Variants in GRM4 observed in about 807,000 individuals in gnomAD.
GRM4 encodes glutamate metabotropic receptor 4, also known as metabotropic glutamate receptor 4.
Under a neutral mutation model 81.7 loss-of-function variants are expected in GRM4, and 28 were observed. That is an observed-to-expected ratio of 0.34 (90% CI 0.25 to 0.47). The LOEUF (loss-of-function observed/expected upper bound fraction) is 0.47. Ranked by LOEUF, GRM4 falls within the 20% of genes least tolerant of loss-of-function variation. The pLI is 1.00. For missense variants in GRM4, 948 were observed against 1,290.0 expected, an observed-to-expected ratio of 0.73 and a Z score of 4.06; for synonymous variants, 488 against 528.8, an observed-to-expected ratio of 0.92 and a Z score of 1.06.
intron 2 of GRM4, among the ~76,000 whole-genome samples, chr6:34,104,583 C>T (rs1419309649): frequency 1.3e-5 from 2 of 152,154 alleles, no homozygotes; most frequent in Admixed American, 1.3e-4. Context: ...CTGTCTGGCC[C>T]CAGCCCCTAA....
chr6:34,112,305 T>TC (rs1256776584), intron 2 of GRM4, among the ~76,000 whole-genome samples: 5 of 152,044 alleles, frequency 3.3e-5, no homozygotes, highest in African/African-American at 1.2e-4. Flanking sequence ...TGCTTACAGC[T>TC]CTATAAGCCA....
At chr6:34,117,799 C>T (rs1370587459) in intron 2 of GRM4, among the ~76,000 whole-genome samples, 1 of 152,180 alleles carries the variant, frequency 6.6e-6, no homozygotes, top group Admixed American at 6.5e-5. Flanking sequence ...TCCTCACCAC[C>T]CAGCACCCAA....
intron 1 of GRM4, among the ~76,000 whole-genome samples, chr6:34,153,267 G>A (rs529057434): frequency 4.6e-5 from 7 of 152,164 alleles, no homozygotes; most frequent in South Asian, 2.1e-4. Context: ...GTACAGACAC[G>A]CACGCAGGGC....
intron 2 of GRM4, among the ~76,000 whole-genome samples, chr6:34,100,990 T>G (rs2395555): frequency 0.6 from 90,865 of 152,022 alleles, 27,535 homozygotes; most frequent in African/African-American, 0.67. Context: ...TTTGAGGGTT[T>G]TTTGTTATGG....
rs566576862 is a variant in GRM4 at position 34,070,528 on chromosome 6, G to C, written c.737-8500C>G. ...GCTAGTGTGAGGGCCCAGTGTAGTG[G>C]TGTTTGTGCAGGTCTGCCCCCTGGA... On this transcript the variant is annotated intron_variant, in intron 3 of 10. Coordinates refer to ENST00000538487, the MANE Select transcript of GRM4 (RefSeq NM_000841.4). The surrounding 1 kb of genome is among the most constrained non-coding windows in gnomAD (Gnocchi z 4.6). 1.6e-4 allele frequency among the ~76,000 whole-genome samples: 24 copies of C among 152,138 alleles called. No homozygotes were observed. Among genetic ancestry groups the C allele is most frequent in the African/African-American group, 5.5e-4 (23 of 41,474 alleles).
rs918708342 is a variant in GRM4, at chr6:34,070,169, A to G, written c.737-8141T>C. On this transcript the variant is annotated intron_variant, in intron 3 of 10. Transcript: ENST00000538487. The surrounding 1 kb of genome is among the most constrained non-coding windows in gnomAD (Gnocchi z 4.6). ...CATCCCCTCGGTGACCTCCCCTCTG[A>G]GCTGCCACCTCCTTACATGCACAGC... is the stretch of plus-strand genomic sequence containing the variant. 1.3e-5 allele frequency among the ~76,000 whole-genome samples: 2 copies of G among 151,948 alleles called. No homozygotes were observed. The highest frequency in any genetic ancestry group is 4.8e-5 in the African/African-American group (2 of 41,382).
rs1037091417 is a variant in GRM4, at chr6:34,109,498, C to G, written c.520-17399G>C. On this transcript the variant is annotated intron_variant, in intron 2 of 10. Transcript: ENST00000538487. ...CAGTCAGCAGGCACGGCCAGGCCTC[C>G]CGGGCACCAGCAGACAATGGGCATC... Among the ~76,000 whole-genome samples the G allele has an allele frequency of 2.4e-4, 37 of 152,158 alleles. 1 individual carries two copies. Among genetic ancestry groups the G allele is most frequent in the Non-Finnish European group, 4.4e-4 (30 of 68,026 alleles).
At chr6:34,098,088 G>C (rs1238887460) in intron 2 of GRM4, among the ~76,000 whole-genome samples, 1 of 152,132 alleles carries the variant, frequency 6.6e-6, no homozygotes, top group Admixed American at 6.5e-5. Flanking sequence ...GAACTCTCTG[G>C]GCCTCAGTTT....
intron 6 of GRM4, among the ~76,000 whole-genome samples, chr6:34,046,139 C>T (rs553115694): frequency 3.3e-5 from 5 of 152,322 alleles, no homozygotes; most frequent in African/African-American, 1.2e-4. Context: ...CTGGTACACA[C>T]GTGCGTGCAC....
chr6:34,154,942 C>T lies in GRM4; in HGVS notation c.312+137G>A, dbSNP rs79155350. 7.9e-6 allele frequency: 5 copies of T among 633,794 alleles called. No individual in the cohort carries two copies. In the South Asian group the frequency reaches 1.5e-4, roughly 19 times the overall value. 39.3% of individuals were successfully genotyped at this position (633,794 alleles called of 1,614,324 possible). On this transcript the variant is annotated intron_variant, in intron 1 of 8. Coordinates refer to the GRM4 transcript ENST00000374177. ...CCAGCACCGCCGCCCGGTGGCCGAA[C>T]GCCCTCATTGCACCCAGCGGCCGGG...
intron 2 of GRM4, among the ~76,000 whole-genome samples, chr6:34,095,641 C>G (rs1242195751): frequency 1.3e-5 from 2 of 152,164 alleles, no homozygotes; most frequent in African/African-American, 4.8e-5. Flanking sequence ...GCTAAACCTC[C>G]TCTGGCAGCA....
intron 2 of GRM4, among the ~76,000 whole-genome samples, chr6:34,128,162 C>T (rs954916146): frequency 1.3e-5 from 2 of 152,192 alleles, no homozygotes; most frequent in African/African-American, 4.8e-5. Context: ...CAGGAAGACG[C>T]AAGAGGCCCA....
Position 34,022,839 on chromosome 6 carries a change from G to C in GRM4, c.2721C>G (p.Tyr907Ter). 6.2e-7 allele frequency: 1 copy of C among 1,613,986 alleles called. No individual in the cohort carries two copies. Among genetic ancestry groups the C allele is most frequent in the Non-Finnish European group, 8.5e-7 (1 of 1,179,810 alleles). The change falls in exon 11 of 11, where the codon TAC becomes TAG. Residue 907 changes from tyrosine (Y) to a stop codon, truncating the protein, a stop_gained. Transcript: ENST00000538487. LOFTEE classifies it high-confidence loss of function. This position sits in a 1 kb window ranked among gnomAD's most constrained non-coding sequence, Gnocchi z 5.6. The part of the protein sequence containing the change: ...ALATKQTYVT[Y>*]TNHAI ...GGACTCGCTAGATTGCATGGTTGGT[G>C]TAAGTGACGTAAGTCTGTTTGGTGG...
In GRM4 at chr6:34,114,024, C is replaced by T. The variant is rs1459231423; in HGVS notation, c.519+18954G>A. On this transcript the variant is annotated intron_variant, in intron 2 of 10. Coordinates refer to ENST00000538487, the MANE Select transcript of GRM4 (RefSeq NM_000841.4). This position sits in a 1 kb window ranked among gnomAD's most constrained non-coding sequence, Gnocchi z 4.3. ...TGTGCCTGCCACCCAAAACACCACC[C>T]AGCCACCTGGCTGCCTTCCTCACTC... Among the ~76,000 whole-genome samples, 1 of 152,110 alleles carries T rather than the reference C, an allele frequency of 6.6e-6. No individual in the cohort carries two copies. The highest frequency in any genetic ancestry group is 1.9e-4 in the East Asian group (1 of 5,186).
intron 1 of GRM4, among the ~76,000 whole-genome samples, chr6:34,137,072 G>C (rs918343538): frequency 5.1e-4 from 78 of 152,220 alleles, no homozygotes; most frequent in African/African-American, 1.7e-3. Flanking sequence ...ACACTCCCCC[G>C]CCAATTCCAA....
chr6:34,137,750 A>ATTTTTT (rs5875495), intron 1 of GRM4, among the ~76,000 whole-genome samples: 1 of 103,724 alleles, frequency 9.6e-6, no homozygotes, highest in Non-Finnish European at 2.0e-5. Flanking sequence ...TGCCCACATA[A>ATTTTTT]TTTTTTTTTT....
chr6:34,025,924 G>A (rs1764110045), intron 10 of GRM4, among the ~76,000 whole-genome samples: 1 of 152,188 alleles, frequency 6.6e-6, no homozygotes, highest in Non-Finnish European at 1.5e-5. Flanking sequence ...ACTGGGGACT[G>A]GATAGGGACA....
At chr6:34,075,933 C>T (rs1305840388) in intron 3 of GRM4, among the ~76,000 whole-genome samples, 1 of 152,230 alleles carries the variant, frequency 6.6e-6, no homozygotes, top group African/African-American at 2.4e-5. Context: ...AGCCTATTCA[C>T]CCCAGATACC....
intron 2 of GRM4, chr6:34,110,839 C>G (rs1039512610): frequency 5.9e-6 from 8 of 1,359,766 alleles, no homozygotes; most frequent in African/African-American, 1.5e-5. Context: ...CTCTGCCCAG[C>G]CTTCCTCCAG....
Sources: gnomAD v4.1 joint callset for allele counts (sites outside exome capture counted in the v4.1 genomes callset) on GRCh38, gnomAD v4.1.1 for gene constraint, Gnocchi (gnomAD v3.1) non-coding constraint, MANE v1.5 for transcripts, NCBI Gene and HGNC (gene_info 2026-07-23, HGNC 2026-07-21) for gene names.